The following TAB2 variants were observed in gnomAD, a reference collection of about 807,000 sequenced individuals.
TAB2 encodes TGF-beta-activated kinase 1 and MAP3K7-binding protein 2.
Under a neutral mutation model 65.0 loss-of-function variants are expected in TAB2, and 3 were observed. The observed-to-expected ratio is 0.05, with a 90% CI of 0.02 to 0.12. The LOEUF (loss-of-function observed/expected upper bound fraction) is 0.12, where lower values mean the gene tolerates loss of function less well. TAB2 is among the 10% of genes least tolerant of loss of function. TAB2 has a pLI of 1.00. For synonymous variants in TAB2, 298 were observed against 285.1 expected (o/e 1.05, Z -0.46); for missense variants, 623 against 840.3 (o/e 0.74, Z 3.20).
chr6:149,319,580 T>A (rs904614685), intron 1 of TAB2, among the ~76,000 whole-genome samples: 3 of 152,262 alleles, frequency 2.0e-5, no homozygotes, highest in African/African-American at 4.8e-5. Flanking sequence ...TATCAATGTG[T>A]TAACAGGAAA....
intron 3 of TAB2, among the ~76,000 whole-genome samples, chr6:149,389,638 T>C (rs1781916178): frequency 2.5e-5 from 3 of 120,964 alleles, no homozygotes; most frequent in Admixed American, 1.7e-4. Context: ...AGAGTAAAAC[T>C]CTGTGTCAAA....
chr6:149,368,790 T>C (rs907602769), intron 1 of TAB2, among the ~76,000 whole-genome samples: 2 of 152,030 alleles, frequency 1.3e-5, no homozygotes, highest in African/African-American at 4.8e-5. Flanking sequence ...AATAATTAAG[T>C]ACAATTTAAT....
intron 6 of TAB2, among the ~76,000 whole-genome samples, chr6:149,404,512 A>G (rs1192145060): frequency 6.6e-6 from 1 of 152,266 alleles, no homozygotes; most frequent in African/African-American, 2.4e-5. Context: ...AGCTGGAGAC[A>G]TCACATTCCC....
chr6:149,219,524 C>T (rs2114618743), intron 1 of TAB2, among the ~76,000 whole-genome samples: 1 of 152,272 alleles, frequency 6.6e-6, no homozygotes, highest in South Asian at 2.1e-4. Context: ...TTCAAACCTG[C>T]TCTTTAAATT....
At chr6:149,391,557 G>A (rs1206407687) in intron 3 of TAB2, among the ~76,000 whole-genome samples, 1 of 151,924 alleles carries the variant, frequency 6.6e-6, no homozygotes, top group Non-Finnish European at 1.5e-5. Flanking sequence ...AGGGACAGGG[G>A]CAGGGGCAGG....
chr6:149,245,746 A>G (rs1013982680), intron 1 of TAB2, among the ~76,000 whole-genome samples: 3 of 152,090 alleles, frequency 2.0e-5, no homozygotes, highest in Non-Finnish European at 4.4e-5. Context: ...CTCATGGACA[A>G]CCCCCTAGCA....
At chr6:149,230,815 C>T (rs1777389195) in intron 1 of TAB2, among the ~76,000 whole-genome samples, 1 of 152,226 alleles carries the variant, frequency 6.6e-6, no homozygotes, top group Non-Finnish European at 1.5e-5. Context: ...CCGCTTTTGA[C>T]ACACTGACAT....
At chr6:149,233,542 C>T (rs1261272743) in intron 1 of TAB2, among the ~76,000 whole-genome samples, 1 of 152,134 alleles carries the variant, frequency 6.6e-6, no homozygotes, top group Non-Finnish European at 1.5e-5. Context: ...GGTTTTTTAT[C>T]CCTGAATCAC....
At chr6:149,319,391 A>G (rs557354582) in intron 1 of TAB2, among the ~76,000 whole-genome samples, 2 of 152,360 alleles carry the variant, frequency 1.3e-5, no homozygotes, top group East Asian at 1.9e-4. Flanking sequence ...TTTTGAAACC[A>G]TGGCAGTTTG....
At chr6:149,226,755 A>G (rs890609324) in intron 1 of TAB2, among the ~76,000 whole-genome samples, 10 of 152,166 alleles carry the variant, frequency 6.6e-5, no homozygotes, top group Admixed American at 6.6e-4. Flanking sequence ...CCTAATATCA[A>G]TGTACTTTTA....
rs1356223858 is a variant in TAB2 at position 149,395,872 on chromosome 6, AG to A, written c.1604-1730del. ...ATTTGTATTCTTGTATAATTTAATT[AG>A]GTGAACAAATTATTTTATCTTCTAA... is the stretch of plus-strand genomic sequence containing the variant. On this transcript the variant is annotated intron_variant, in intron 3 of 6. Transcript: ENST00000637181. Among the ~76,000 whole-genome samples, 7 of 152,348 alleles carry A rather than the reference AG, an allele frequency of 4.6e-5. No homozygotes were observed. The East Asian group carries it at 1.3e-3, about 29-fold the overall frequency.
chr6:149,409,674 A>G lies in TAB2; in HGVS notation c.2037A>G (p.Pro679=). 6.2e-7 allele frequency: 1 copy of G among 1,614,168 alleles called. No individual in the cohort carries two copies. The highest frequency in any genetic ancestry group is 1.1e-5 in the South Asian group (1 of 91,086). The part of the protein sequence containing the change: ...NCTACTFLNH[P]ALIRCEQCEM... ...CCGCCTGTACTTTTTTGAACCATCC[A>G]GCCTTAATTCGCTGTGAACAGTGTG... is the stretch of plus-strand genomic sequence containing the variant. The change falls in exon 7 of 7, where the codon CCA becomes CCG. Residue 679 remains proline, a synonymous_variant. Coordinates refer to ENST00000637181, the MANE Select transcript of TAB2 (RefSeq NM_001292034.3).
At chr6:149,287,369 G>T (rs1282253974) in intron 1 of TAB2, among the ~76,000 whole-genome samples, 1 of 152,062 alleles carries the variant, frequency 6.6e-6, no homozygotes, top group Non-Finnish European at 1.5e-5. Flanking sequence ...CCTGAACTGT[G>T]TACATTTATG....
intron 1 of TAB2, among the ~76,000 whole-genome samples, chr6:149,219,146 A>G (rs1050347001): frequency 2.0e-5 from 3 of 152,222 alleles, no homozygotes; most frequent in Non-Finnish European, 4.4e-5. Context: ...GTTAAAGGAC[A>G]TACAGAACAC....
intron 1 of TAB2, among the ~76,000 whole-genome samples, chr6:149,361,481 G>A (rs528285079): frequency 1.3e-5 from 2 of 152,198 alleles, no homozygotes; most frequent in Non-Finnish European, 2.9e-5. Context: ...GCAGGGCTGG[G>A]CCTGGCCACC....
At chr6:149,329,057 T>G (rs1779705384) in intron 1 of TAB2, among the ~76,000 whole-genome samples, 1 of 152,136 alleles carries the variant, frequency 6.6e-6, no homozygotes, top group South Asian at 2.1e-4. Flanking sequence ...AGTGGTGGGT[T>G]AGCTGGAAGT....
chr6:149,407,648 A>G (rs1010787688), intron 6 of TAB2, among the ~76,000 whole-genome samples: 8 of 152,168 alleles, frequency 5.3e-5, no homozygotes, highest in African/African-American at 1.7e-4. Flanking sequence ...TTAGTCCTTG[A>G]AGTCAGTTCT....
intron 1 of TAB2, among the ~76,000 whole-genome samples, chr6:149,272,152 A>G (rs960920377): frequency 6.6e-6 from 1 of 152,234 alleles, no homozygotes; most frequent in Non-Finnish European, 1.5e-5. Context: ...AGATAAATGA[A>G]CAAGGCTCAA....
chr6:149,317,905 CG>C lies in TAB2; in HGVS notation c.-199del. ...CGGGTGGAACCGGAGGCGGCGGCGGCGCTGGCGGCGGCCGTGGTGGCGGAGG... is the reference window on the plus strand; with the variant it reads ...CGGGTGGAACCGGAGGCGGCGGCGGCCTGGCGGCGGCCGTGGTGGCGGAGG... On this transcript the variant is annotated 5_prime_UTR_variant, in exon 1 of 7. Coordinates refer to ENST00000637181, the MANE Select transcript of TAB2 (RefSeq NM_001292034.3). This position sits in a 1 kb window ranked among gnomAD's most constrained non-coding sequence, Gnocchi z 4.7. The C allele has an allele frequency of 5.9e-6, 1 of 170,600 alleles. No individual in the cohort carries two copies. Among genetic ancestry groups the C allele is most frequent in the Non-Finnish European group, 1.2e-5 (1 of 80,838 alleles). 10.6% of individuals were successfully genotyped at this position (170,600 alleles called of 1,614,324 possible).
Sources: gnomAD v4.1 joint callset for allele counts (sites outside exome capture counted in the v4.1 genomes callset) on GRCh38, gnomAD v4.1.1 for gene constraint, Gnocchi (gnomAD v3.1) non-coding constraint, MANE v1.5 for transcripts, NCBI Gene and HGNC (gene_info 2026-07-23, HGNC 2026-07-21) for gene names.